Variants in GRM7 observed in about 807,000 individuals in gnomAD.
GRM7 encodes the protein metabotropic glutamate receptor 7.
Under a neutral mutation model 84.5 loss-of-function variants are expected in GRM7, and 35 were observed. That is an observed-to-expected ratio of 0.41 (90% CI 0.32 to 0.55). GRM7 has a LOEUF of 0.55. GRM7 is among the 20% of genes least tolerant of loss of function. The pLI, the probability that GRM7 is intolerant of heterozygous loss-of-function variation, is 0.19. For synonymous variants in GRM7, 487 were observed against 455.1 expected (o/e 1.07, Z -0.89); for missense variants, 1,003 against 1,194.6 (o/e 0.84, Z 2.36).
intron 8 of GRM7, among the ~76,000 whole-genome samples, chr3:7,641,577 T>C (rs192409498): frequency 2.6e-5 from 4 of 152,266 alleles, no homozygotes; most frequent in East Asian, 1.9e-4. Flanking sequence ...ATTAATCAAA[T>C]TGGGATGTCC....
At chr3:7,567,477 G>C (rs1395443139) in intron 7 of GRM7, among the ~76,000 whole-genome samples, 1 of 152,118 alleles carries the variant, frequency 6.6e-6, no homozygotes, top group Non-Finnish European at 1.5e-5. Flanking sequence ...GCCAGGGGCA[G>C]GAGCTCATGC....
chr3:6,896,437 T>G (rs957362914), intron 1 of GRM7, among the ~76,000 whole-genome samples: 2 of 152,210 alleles, frequency 1.3e-5, no homozygotes. Flanking sequence ...CTGGATCACT[T>G]TCATGAATAG....
At position 7,486,179 on chromosome 3, in the gene GRM7, G is replaced by T. The variant is rs1559355798; in HGVS notation, c.1515+24457G>T. Among the ~76,000 whole-genome samples the T allele has an allele frequency of 2.0e-5, 3 of 152,120 alleles. No homozygotes were observed. Among genetic ancestry groups the T allele is most frequent in the Non-Finnish European group, 4.4e-5 (3 of 67,998 alleles). On this transcript the variant is annotated intron_variant, in intron 7 of 9. Transcript: ENST00000357716. The surrounding 1 kb of genome is among the most constrained non-coding windows in gnomAD (Gnocchi z 5.5). The stretch of plus-strand genomic sequence containing the variant: ...TTCATTTTGCTCTAAAAGTAGAAAA[G>T]AACAAGTAAAATGTCATGAGTTTTC...
intron 4 of GRM7, among the ~76,000 whole-genome samples, chr3:7,322,555 A>G (rs1700824212): frequency 7.0e-6 from 1 of 142,960 alleles, no homozygotes; most frequent in Admixed American, 7.2e-5. Flanking sequence ...CTTGCCCCTC[A>G]CCCCTCTTCC....
intron 1 of GRM7, among the ~76,000 whole-genome samples, chr3:6,892,104 C>G (rs902902874): frequency 1.3e-5 from 2 of 152,258 alleles, no homozygotes; most frequent in Non-Finnish European, 1.5e-5. Context: ...AAGCACTTCT[C>G]TGTATTGGTT....
intron 5 of GRM7, among the ~76,000 whole-genome samples, chr3:7,437,328 C>T (rs1479158782): frequency 1.3e-5 from 2 of 152,092 alleles, no homozygotes; most frequent in Non-Finnish European, 2.9e-5. Context: ...TTTCTCTATC[C>T]ACTTCTCTCT....
At chr3:7,373,827 G>T (rs1379894824) in intron 4 of GRM7, among the ~76,000 whole-genome samples, 5 of 152,148 alleles carry the variant, frequency 3.3e-5, no homozygotes, top group Non-Finnish European at 7.3e-5. Context: ...TATCTGTGCT[G>T]GGCAATATGG....
intron 9 of GRM7, among the ~76,000 whole-genome samples, chr3:7,737,768 A>G (rs560653011): frequency 6.6e-6 from 1 of 152,238 alleles, no homozygotes; most frequent in East Asian, 1.9e-4. Flanking sequence ...TTTATACATT[A>G]TATTCCCAGA....
intron 1 of GRM7, among the ~76,000 whole-genome samples, chr3:6,936,823 T>C (rs1385852248): frequency 6.6e-6 from 1 of 152,220 alleles, no homozygotes; most frequent in Non-Finnish European, 1.5e-5. Flanking sequence ...ATTAGACATA[T>C]AAAATGTTTT....
At chr3:7,244,725 T>C (rs562930415) in intron 2 of GRM7, among the ~76,000 whole-genome samples, 1 of 152,166 alleles carries the variant, frequency 6.6e-6, no homozygotes, top group African/African-American at 2.4e-5. Context: ...TATAAATGAT[T>C]TGCTGGCTTT....
At chr3:7,175,150 C>G (rs897933347) in intron 2 of GRM7, among the ~76,000 whole-genome samples, 2 of 152,170 alleles carry the variant, frequency 1.3e-5, no homozygotes, top group Non-Finnish European at 2.9e-5. Context: ...GCTTTTGGAA[C>G]ATGTATTTAA....
At chr3:7,327,895 T>C (rs1438251819) in intron 4 of GRM7, among the ~76,000 whole-genome samples, 1 of 152,244 alleles carries the variant, frequency 6.6e-6, no homozygotes, top group Non-Finnish European at 1.5e-5. Context: ...TTCTAAATAA[T>C]GTATCAGAAC....
chr3:7,295,819 C>CT (rs920192897), intron 2 of GRM7, among the ~76,000 whole-genome samples: 6 of 145,370 alleles, frequency 4.1e-5, no homozygotes, highest in African/African-American at 1.0e-4. Context: ...TTTTTGATAG[C>CT]TTTTTTTTGG....
intron 7 of GRM7, among the ~76,000 whole-genome samples, chr3:7,479,945 A>G (rs1386289774): frequency 6.6e-6 from 1 of 152,246 alleles, no homozygotes; most frequent in Non-Finnish European, 1.5e-5. Flanking sequence ...GGCAACTTAT[A>G]TGACCCCAGG....
chr3:7,436,912 G>T (rs1436689557), intron 5 of GRM7, among the ~76,000 whole-genome samples: 1 of 136,818 alleles, frequency 7.3e-6, no homozygotes, highest in African/African-American at 2.5e-5. Flanking sequence ...TCTGGCCTCA[G>T]GTCTTTTATC....
At chr3:7,638,128 A>G (rs1221482104) in intron 8 of GRM7, among the ~76,000 whole-genome samples, 1 of 152,014 alleles carries the variant, frequency 6.6e-6, no homozygotes, top group Non-Finnish European at 1.5e-5. Flanking sequence ...ATTTATTTCC[A>G]CACTTCCTTT....
chr3:6,864,720 G>A lies in GRM7; in HGVS notation c.519+2813G>A, dbSNP rs116241571. 6.1e-3 allele frequency among the ~76,000 whole-genome samples: 933 copies of A among 152,254 alleles called. 6 individuals carry two copies. The highest frequency in any genetic ancestry group is 0.022 in the African/African-American group (895 of 41,540). On this transcript the variant is annotated intron_variant, in intron 1 of 9. Coordinates refer to ENST00000357716, the MANE Select transcript of GRM7 (RefSeq NM_000844.4). The stretch of plus-strand genomic sequence containing the variant: ...AGATAAGACTGTAGGCTAGAAGAAG[G>A]AATACTTAGCGACTTAAATGGGGGG...
intron 7 of GRM7, among the ~76,000 whole-genome samples, chr3:7,521,356 G>A (rs1346082938): frequency 6.6e-6 from 1 of 152,178 alleles, no homozygotes; most frequent in Non-Finnish European, 1.5e-5. Context: ...AATCCCCAAG[G>A]TTATGGTAGT....
chr3:7,033,901 T>G (rs1013517449), intron 1 of GRM7, among the ~76,000 whole-genome samples: 1 of 152,176 alleles, frequency 6.6e-6, no homozygotes, highest in Non-Finnish European at 1.5e-5. Context: ...TAATTTATTA[T>G]ATTTCTGGGA....
Sources: gnomAD v4.1 joint callset for allele counts (sites outside exome capture counted in the v4.1 genomes callset) on GRCh38, gnomAD v4.1.1 for gene constraint, Gnocchi (gnomAD v3.1) non-coding constraint, MANE v1.5 for transcripts, NCBI Gene and HGNC (gene_info 2026-07-23, HGNC 2026-07-21) for gene names.